The following NUDCD1 variants were observed in gnomAD, a reference collection of about 807,000 sequenced individuals.
The protein encoded by NUDCD1 is nudC domain-containing protein 1.
In NUDCD1, 60 loss-of-function variants were observed where a neutral mutation model predicts 67.8. That is an observed-to-expected ratio of 0.88 (90% confidence interval 0.72 to 1.10). NUDCD1 has a LOEUF of 1.10. Among genes scored for constraint, NUDCD1 ranks in the 50% least tolerant of loss-of-function variants. The probability of loss-of-function intolerance (pLI) is 0.00; values close to 1 mark genes in which losing one functional copy is unlikely to be tolerated. For missense variants in NUDCD1, 643 were observed against 695.0 expected (o/e 0.93, Z 0.84); for synonymous variants, 244 against 230.8 (o/e 1.06, Z -0.52).
chr8:109,242,286 A>G lies in NUDCD1; in HGVS notation c.*723T>C, dbSNP rs1813385223. ...TCTACTATGGAAAGAAGATTCGTCT[A>G]GTCTACTGGAGGCTGAGAGGCCCTG... is the stretch of plus-strand genomic sequence containing the variant. On this transcript the variant is annotated 3_prime_UTR_variant, in exon 10 of 10. Coordinates refer to ENST00000239690, the MANE Select transcript of NUDCD1 (RefSeq NM_032869.4). 2 of 394,982 alleles carry G rather than the reference A, an allele frequency of 5.1e-6. No homozygotes were observed. Among genetic ancestry groups the G allele is most frequent in the Non-Finnish European group, 8.9e-6 (2 of 223,912 alleles). 24.5% of individuals were successfully genotyped at this position (394,982 alleles called of 1,614,324 possible). A position where few individuals can be genotyped will look rare whatever the true frequency, so the allele number is the denominator to read the frequency against.
rs534481789 is a variant in NUDCD1, at chr8:109,268,889, A to G, written c.1299+2116T>C. On this transcript the variant is annotated intron_variant, in intron 8 of 9. Coordinates refer to ENST00000239690, the MANE Select transcript of NUDCD1 (RefSeq NM_032869.4). Reference sequence around the variant, plus strand: ...AGGGAATCATGTATGGGATTATGTCAAAACTAAACAACATCTAGGAAGTAA... The same window carrying G: ...AGGGAATCATGTATGGGATTATGTCGAAACTAAACAACATCTAGGAAGTAA... 6.3e-4 allele frequency among the ~76,000 whole-genome samples: 96 copies of G among 152,282 alleles called. 1 individual carries two copies. Among genetic ancestry groups the G allele is most frequent in the Non-Finnish European group, 5.6e-4 (38 of 68,014 alleles).
Position 109,281,105 on chromosome 8 carries a change from A to G in NUDCD1, c.891T>C (p.Ser297=). 1 of 1,613,442 alleles carries G rather than the reference A, an allele frequency of 6.2e-7. No homozygotes were observed. Among genetic ancestry groups the G allele is most frequent in the African/African-American group, 1.3e-5 (1 of 74,998 alleles). Residue 297 remains serine, a synonymous_variant, in exon 6 of 10, where the codon AGT becomes AGC. Transcript: ENST00000239690. ...ACTGTATTTGAATGTCCTCCTTAGT[A>G]CTGTCTTCTGGAAGCCGTATGGTTA... ...LTVTIRLPED[S]TKEDIQIQFL...
At chr8:109,318,176 C>T (rs370421064) in intron 2 of NUDCD1, among the ~76,000 whole-genome samples, 7 of 152,256 alleles carry the variant, frequency 4.6e-5, no homozygotes, top group African/African-American at 1.7e-4. Flanking sequence ...ACCTCCCTAA[C>T]AACACGTATT....
chr8:109,276,221 G>A (rs1454191067), intron 6 of NUDCD1, among the ~76,000 whole-genome samples: 1 of 152,182 alleles, frequency 6.6e-6, no homozygotes, highest in Admixed American at 6.5e-5. Context: ...GCAGGAAAGG[G>A]AAAGAGAGCA....
At chr8:109,325,742 T>C (rs1815668134) in intron 1 of NUDCD1, among the ~76,000 whole-genome samples, 3 of 152,242 alleles carry the variant, frequency 2.0e-5, no homozygotes, top group South Asian at 4.1e-4. Context: ...ACAAATTCAA[T>C]TTAAAAGAAT....
intron 1 of NUDCD1, among the ~76,000 whole-genome samples, chr8:109,322,706 A>G (rs1815571106): frequency 6.6e-6 from 1 of 152,186 alleles, no homozygotes; most frequent in African/African-American, 2.4e-5. Flanking sequence ...GCCACAGGAG[A>G]TAGGGCTTTT....
At chr8:109,306,695 A>G (rs1264898539) in intron 2 of NUDCD1, among the ~76,000 whole-genome samples, 1 of 138,682 alleles carries the variant, frequency 7.2e-6, no homozygotes, top group Non-Finnish European at 1.5e-5. Context: ...CCCAATTCTT[A>G]GTCCTTTAAT....
chr8:109,309,878 A>AC (rs1476804906), intron 2 of NUDCD1, among the ~76,000 whole-genome samples: 121 of 150,394 alleles, frequency 8.0e-4, no homozygotes, highest in African/African-American at 1.8e-3. Context: ...AAAAAAAAAC[A>AC]AAACAAACAA....
chr8:109,294,888 TA>T (rs1398203211), intron 3 of NUDCD1, among the ~76,000 whole-genome samples: 1 of 152,038 alleles, frequency 6.6e-6, no homozygotes, highest in Non-Finnish European at 1.5e-5. Flanking sequence ...TTAATTACCC[TA>T]AAGTCCTAAA....
At chr8:109,333,806 A>T (rs533791165) in intron 1 of NUDCD1, 87 bp downstream of exon 1, 6 of 1,411,032 alleles carry the variant, frequency 4.3e-6, no homozygotes, top group Non-Finnish European at 5.9e-6. Context: ...CTTGCCAGTC[A>T]GAAAGAAAGA....
chr8:109,243,789 AT>A (rs1463530151), intron 9 of NUDCD1, among the ~76,000 whole-genome samples: 2 of 152,134 alleles, frequency 1.3e-5, no homozygotes, highest in Non-Finnish European at 2.9e-5. Flanking sequence ...ATGTACTAGT[AT>A]TCGTGATGCA....
At chr8:109,304,585 T>C (rs1586294861) in intron 2 of NUDCD1, among the ~76,000 whole-genome samples, 1 of 152,222 alleles carries the variant, frequency 6.6e-6, no homozygotes, top group East Asian at 1.9e-4. Flanking sequence ...ACTCGAAATA[T>C]GCCTTCCATA....
chr8:109,305,746 C>T (rs1815088071), intron 2 of NUDCD1, among the ~76,000 whole-genome samples: 1 of 152,062 alleles, frequency 6.6e-6, no homozygotes, highest in South Asian at 2.1e-4. Context: ...AATTCTACAA[C>T]CTTGGTGGAC....
At chr8:109,251,323 C>T (rs1395025500) in intron 8 of NUDCD1, among the ~76,000 whole-genome samples, 1 of 151,910 alleles carries the variant, frequency 6.6e-6, no homozygotes, top group African/African-American at 2.4e-5. Flanking sequence ...CAGGTACCCA[C>T]CACCACGCCT....
chr8:109,290,413 A>T (rs1170771154), intron 4 of NUDCD1, among the ~76,000 whole-genome samples: 3 of 152,098 alleles, frequency 2.0e-5, no homozygotes, highest in Non-Finnish European at 4.4e-5. Context: ...CCTTGACTAA[A>T]GCCTGTCTGC....
intron 8 of NUDCD1, among the ~76,000 whole-genome samples, chr8:109,270,090 A>AGGGGGGGG (rs1563665962): frequency 2.9e-3 from 22 of 7,604 alleles, no homozygotes; most frequent in South Asian, 4.0e-3. Context: ...GGGTGCCTTA[A>AGGGGGGGG]GGTGGGGTGT....
At chr8:109,326,537 TGAA>T (rs199987099) in intron 1 of NUDCD1, among the ~76,000 whole-genome samples, 4,898 of 152,254 alleles carry the variant, frequency 0.032, 102 homozygotes, top group Middle Eastern at 0.11. Context: ...TTGTAAGGGT[TGAA>T]GAAGAAGAAC....
chr8:109,293,525 C>A lies in NUDCD1; in HGVS notation c.460-1G>T. 6.7e-7 allele frequency: 1 copy of A among 1,500,614 alleles called. No homozygotes were observed. Among genetic ancestry groups the A allele is most frequent in the Non-Finnish European group, 9.0e-7 (1 of 1,117,016 alleles). The allele number at this position is 1,500,614 out of a possible 1,614,324, so 93.0% of individuals were successfully genotyped here. On this transcript the variant is annotated splice_acceptor_variant, in intron 3 of 9. Transcript: ENST00000239690. LOFTEE classifies it high-confidence loss of function. ...CCCCAAGTTCTTCATTAAACATAATCTACAAAACAAAATTACACACACAAA... is the reference window on the plus strand; with the variant it reads ...CCCCAAGTTCTTCATTAAACATAATATACAAAACAAAATTACACACACAAA...
chr8:109,279,486 GA>G (rs1227935879), intron 6 of NUDCD1, among the ~76,000 whole-genome samples: 1 of 126,770 alleles, frequency 7.9e-6, no homozygotes, highest in Non-Finnish European at 1.7e-5. Context: ...CACTAAGAAT[GA>G]AAGTCCTTTG....
Sources: allele counts gnomAD v4.1 joint callset (sites outside exome capture counted in the v4.1 genomes callset), GRCh38; gene constraint gnomAD v4.1.1; transcripts MANE v1.5; gene names NCBI Gene and HGNC (gene_info 2026-07-23, HGNC 2026-07-21).